Variants in PABPC4 observed in about 807,000 individuals in gnomAD.
The protein encoded by PABPC4 is poly(A) binding protein cytoplasmic 4.
Under a neutral mutation model 74.5 loss-of-function variants are expected in PABPC4, and 15 were observed. The observed-to-expected ratio is 0.20, with a 90% confidence interval of 0.13 to 0.31. The LOEUF is 0.31. PABPC4 is among the 10% of genes least tolerant of loss of function. The pLI, the probability that PABPC4 is intolerant of heterozygous loss-of-function variation, is 1.00. For synonymous variants in PABPC4, 345 were observed against 303.0 expected (o/e 1.14, Z -1.44); for missense variants, 610 against 853.5 (o/e 0.71, Z 3.55).
At chr1:39,567,457 A>ATC (rs1645864652) in intron 7 of PABPC4, 1 of 555,940 alleles carries the variant, frequency 1.8e-6, no homozygotes, top group African/African-American at 1.9e-5. Flanking sequence ...CTGTAGCACC[A>ATC]TCTGTCCCCA....
intron 1 of PABPC4, among the ~76,000 whole-genome samples, chr1:39,573,840 G>A (rs1469303401): frequency 6.6e-6 from 1 of 152,002 alleles, no homozygotes; most frequent in African/African-American, 2.4e-5. Flanking sequence ...ACAACAAAAA[G>A]AACCAAAAGC....
At chr1:39,562,448 T>G (rs1412304916) in intron 12 of PABPC4, 32 bp from the exon 13 acceptor site, 1 of 1,521,240 alleles carries the variant, frequency 6.6e-7, no homozygotes, top group Non-Finnish European at 9.1e-7. Context: ...GGGTTAGCAC[T>G]GAGGAAAGGA....
chr1:39,573,469 G>A (rs1277125058), intron 1 of PABPC4, among the ~76,000 whole-genome samples: 2 of 152,172 alleles, frequency 1.3e-5, no homozygotes, highest in Admixed American at 6.5e-5. Flanking sequence ...CAACACCTTG[G>A]AATGCTTCCT....
At chr1:39,569,460 T>A in intron 5 of PABPC4, 135 bp downstream of exon 5, 1 of 677,902 alleles carries the variant, frequency 1.5e-6, no homozygotes, top group East Asian at 2.6e-5. Flanking sequence ...AGGAAGATGA[T>A]CCCAGAGTAT....
chr1:39,566,294 G>A (rs1645840184), intron 7 of PABPC4, among the ~76,000 whole-genome samples: 1 of 152,088 alleles, frequency 6.6e-6, no homozygotes, highest in Non-Finnish European at 1.5e-5. Context: ...TAACACTTTT[G>A]GAATACCACG....
chr1:39,574,096 C>T (rs1050586788), intron 1 of PABPC4, among the ~76,000 whole-genome samples: 2 of 152,156 alleles, frequency 1.3e-5, no homozygotes, highest in African/African-American at 4.8e-5. Flanking sequence ...ACAAGCTCAA[C>T]TGTTTCATTA....
At chr1:39,572,313 A>G in intron 2 of PABPC4, 80 bp downstream of exon 2, 3 of 1,109,012 alleles carry the variant, frequency 2.7e-6, no homozygotes, top group South Asian at 1.5e-5. Flanking sequence ...CCCAATTCCA[A>G]GATAGTTCTC....
rs752944467 is a variant in PABPC4, at chr1:39,565,198, G to A, written c.1153C>T (p.Arg385Ter). The change falls in exon 8 of 16, where the codon CGA (arginine) becomes TGA (stop). Residue 385 changes from arginine to a stop codon, truncating the protein, a stop_gained. Transcript: ENST00000372858. LOFTEE classifies it high-confidence loss of function. ...KAHLTNQYMQ[R>*]VAGMRALPAN... is the part of the protein sequence containing the mutation. The stretch of plus-strand genomic sequence containing the variant: ...GGAAGTGCTCTCATTCCAGCCACTC[G>A]TTGCATATACTGGTTGGTCAGGTGA... 1 of 1,614,144 alleles carries A rather than the reference G, an allele frequency of 6.2e-7. No homozygotes were observed. The highest frequency in any genetic ancestry group is 1.7e-5 in the Admixed American group (1 of 60,014).
In PABPC4 at chr1:39,576,027, T is replaced by TCGGGGC; in HGVS notation, c.-77_-76insGCCCCG. Reference sequence around the variant, plus strand: ...CCCGCCGCAGGACAAAGGGGCGCCTTCGGAGCCCGGGCCCGCGCCGCGGCT... The same window carrying TCGGGGC: ...CCCGCCGCAGGACAAAGGGGCGCCTTCGGGGCCGGAGCCCGGGCCCGCGCCGCGGCT... On this transcript the variant is annotated 5_prime_UTR_variant, in exon 1 of 16. Transcript: ENST00000372858. 4 of 1,020,004 alleles carry TCGGGGC rather than the reference T, an allele frequency of 3.9e-6. No individual in the cohort carries two copies. Among genetic ancestry groups the TCGGGGC allele is most frequent in the Non-Finnish European group, 5.3e-6 (4 of 747,990 alleles). The allele number at this position is 1,020,004 out of a possible 1,614,324, so 63.2% of individuals were successfully genotyped here. A position where few individuals can be genotyped will look rare whatever the true frequency, so the allele number is the denominator to read the frequency against.
At chr1:39,571,795 C>T in intron 2 of PABPC4, 1 of 347,512 alleles carries the variant, frequency 2.9e-6, no homozygotes, top group East Asian at 7.6e-5. Flanking sequence ...ATGGCTTGAG[C>T]CCAGGAGGTC....
At chr1:39,566,943 T>C (rs1376827199) in intron 7 of PABPC4, among the ~76,000 whole-genome samples, 5 of 152,166 alleles carry the variant, frequency 3.3e-5, no homozygotes, top group Non-Finnish European at 7.3e-5. Context: ...GGGAGCAAAG[T>C]CCACTAAGAG....
In PABPC4 at chr1:39,564,777, T is replaced by C. The variant is rs765910853; in HGVS notation, c.1246-4A>G. 4 of 1,611,330 alleles carry C rather than the reference T, an allele frequency of 2.5e-6. No individual in the cohort carries two copies. Among genetic ancestry groups the C allele is most frequent in the East Asian group, 2.2e-5 (1 of 44,868 alleles). ...AATATGGAGGCCTTCCCTGAGCCTG[T>C]AAGACAGAAGAATACCCAAACACCC... On this transcript the variant is annotated splice_region_variant and splice_polypyrimidine_tract_variant and intron_variant, in intron 8 of 15. Coordinates refer to ENST00000372858, the MANE Select transcript of PABPC4 (RefSeq NM_001135653.2).
At position 39,565,397 on chromosome 1, in the gene PABPC4, T is replaced by A; in HGVS notation, c.973-19A>T. On this transcript the variant is annotated intron_variant, in intron 7 of 15. Coordinates refer to ENST00000372858, the MANE Select transcript of PABPC4 (RefSeq NM_001135653.2). ...GCATTACCTACAAAATGAGACCAGC[T>A]ACTTAAGAAATAAGGTGTCCCTGGC... is the stretch of plus-strand genomic sequence containing the variant. 6.3e-7 allele frequency: 1 copy of A among 1,599,190 alleles called. No homozygotes were observed. Among genetic ancestry groups the A allele is most frequent in the Non-Finnish European group, 8.5e-7 (1 of 1,171,346 alleles).
At position 39,569,700 on chromosome 1, in the gene PABPC4, A is replaced by T; in HGVS notation, c.644-11T>A. The T allele has an allele frequency of 6.2e-7, 1 of 1,606,376 alleles. No individual in the cohort carries two copies. The highest frequency in any genetic ancestry group is 1.1e-5 in the South Asian group (1 of 90,892). On this transcript the variant is annotated splice_polypyrimidine_tract_variant and intron_variant, in intron 4 of 15. Coordinates refer to ENST00000372858, the MANE Select transcript of PABPC4 (RefSeq NM_001135653.2). Reference sequence around the variant, plus strand: ...CACTTAGGGTCTTACCTATTACCAAAGGACAGAACTATTAGTAACACCATC... The same window carrying T: ...CACTTAGGGTCTTACCTATTACCAATGGACAGAACTATTAGTAACACCATC...
Position 39,564,791 on chromosome 1 carries a change from AC to A in PABPC4, c.1246-19del, listed in dbSNP as rs1225966015. On this transcript the variant is annotated intron_variant, in intron 8 of 15. Transcript: ENST00000372858. Reference sequence around the variant, plus strand: ...CCCTGAGCCTGTAAGACAGAAGAATACCCAAACACCCCCTTAAGGACTGAAC... The same window carrying A: ...CCCTGAGCCTGTAAGACAGAAGAATACCAAACACCCCCTTAAGGACTGAAC... 1.3e-6 allele frequency: 2 copies of A among 1,582,124 alleles called. No homozygotes were observed. The highest frequency in any genetic ancestry group is 1.7e-6 in the Non-Finnish European group (2 of 1,150,998).
chr1:39,562,638 T>A (rs1414312848), intron 12 of PABPC4: 1 of 460,560 alleles, frequency 2.2e-6, no homozygotes. Context: ...GAAAATGGCA[T>A]GCTATCAGAA....
chr1:39,564,211 TCAC>T (rs1645802075), intron 10 of PABPC4: 1 of 641,010 alleles, frequency 1.6e-6, no homozygotes, highest in Non-Finnish European at 2.7e-6. Flanking sequence ...TTCACATAGG[TCAC>T]CGATGAGCAA....
At chr1:39,574,924 T>C (rs945514950) in intron 1 of PABPC4, among the ~76,000 whole-genome samples, 2 of 152,252 alleles carry the variant, frequency 1.3e-5, no homozygotes, top group African/African-American at 2.4e-5. Flanking sequence ...CAGAGCACTG[T>C]GCTGGGAGTC....
intron 2 of PABPC4, chr1:39,571,662 G>T: frequency 2.0e-6 from 1 of 503,216 alleles, no homozygotes; most frequent in African/African-American, 1.9e-5. Context: ...GCCAAAGCAG[G>T]AGGATCGTTG....
Sources: gnomAD v4.1 joint callset for allele counts (sites outside exome capture counted in the v4.1 genomes callset) on GRCh38, gnomAD v4.1.1 for gene constraint, MANE v1.5 for transcripts, NCBI Gene and HGNC (gene_info 2026-07-23, HGNC 2026-07-21) for gene names.